Variants in INPP4B observed in about 807,000 individuals in gnomAD.
The protein encoded by INPP4B is inositol polyphosphate 4-phosphatase type II.
Under a neutral mutation model 122.5 loss-of-function variants are expected in INPP4B, and 55 were observed. The ratio of observed to expected loss-of-function variants is 0.45; its 90% confidence interval spans 0.36 to 0.56. The LOEUF is 0.56. INPP4B is among the 20% of genes least tolerant of loss of function. The probability of loss-of-function intolerance (pLI) is 0.00; values close to 1 mark genes in which losing one functional copy is unlikely to be tolerated. For missense variants in INPP4B, 1,000 were observed against 1,097.7 expected (o/e 0.91, Z 1.26); for synonymous variants, 403 against 388.7 (o/e 1.04, Z -0.43).
At chr4:142,492,125 C>T (rs1380301526) in intron 2 of INPP4B, among the ~76,000 whole-genome samples, 1 of 152,056 alleles carries the variant, frequency 6.6e-6, no homozygotes, top group African/African-American at 2.4e-5. Context: ...GGCACTTCTC[C>T]TTGCTGCCAC....
chr4:142,208,797 G>A, intron 13 of INPP4B, 99 bp downstream of exon 13: 1 of 922,972 alleles, frequency 1.1e-6, no homozygotes, highest in South Asian at 3.1e-5. Context: ...AAAATCTCCA[G>A]TTCTCCTATC....
At chr4:142,671,444 T>G (rs1347085714) in intron 2 of INPP4B, among the ~76,000 whole-genome samples, 1 of 152,132 alleles carries the variant, frequency 6.6e-6, no homozygotes, top group Non-Finnish European at 1.5e-5. Context: ...GCCTCCAATA[T>G]TTTGCTCTTA....
chr4:142,306,692 G>A (rs961699503), intron 8 of INPP4B, among the ~76,000 whole-genome samples: 14 of 152,104 alleles, frequency 9.2e-5, no homozygotes, highest in Admixed American at 9.2e-4. Context: ...GTCCTAAAAG[G>A]CTTAAAATCA....
intron 1 of INPP4B, among the ~76,000 whole-genome samples, chr4:142,802,771 CT>C (rs540356163): frequency 4.5e-4 from 65 of 143,482 alleles, no homozygotes; most frequent in South Asian, 6.7e-4. Flanking sequence ...CTTTCAGTTT[CT>C]TTTTTTTTTT....
intron 7 of INPP4B, among the ~76,000 whole-genome samples, chr4:142,327,297 A>G (rs1772739851): frequency 1.3e-5 from 2 of 152,168 alleles, no homozygotes; most frequent in Admixed American, 1.3e-4. Flanking sequence ...TAGCTTTAAA[A>G]CAAAACTATC....
chr4:142,060,207 T>C (rs1759860701), intron 25 of INPP4B, among the ~76,000 whole-genome samples: 1 of 152,164 alleles, frequency 6.6e-6, no homozygotes, highest in Non-Finnish European at 1.5e-5. Context: ...CCCAAAACCA[T>C]TTATTAATTA....
intron 7 of INPP4B, among the ~76,000 whole-genome samples, chr4:142,325,676 G>A (rs1772073385): frequency 6.6e-6 from 1 of 152,140 alleles, no homozygotes; most frequent in Non-Finnish European, 1.5e-5. Context: ...CTCTAAAGCA[G>A]TGATGTTCAC....
At chr4:142,210,031 A>G (rs922438128) in intron 12 of INPP4B, among the ~76,000 whole-genome samples, 7 of 152,172 alleles carry the variant, frequency 4.6e-5, no homozygotes, top group African/African-American at 1.7e-4. Context: ...ATGCCTTTTT[A>G]AAACTATAGT....
At position 142,027,072 on chromosome 4, in the gene INPP4B, T is replaced by G. The variant is rs1056324496; in HGVS notation, c.*1710A>C. 6.6e-6 allele frequency: 1 copy of G among 152,254 alleles called. No individual in the cohort carries two copies. Among genetic ancestry groups the G allele is most frequent in the Non-Finnish European group, 1.5e-5 (1 of 68,012 alleles). The allele number at this position is 152,254 out of a possible 1,614,324, so 9.4% of individuals were successfully genotyped here. ...TGTATTTAATCACTAAAATAAAGAA[T>G]GAGTTAAGAGAACATCAAGGTAATT... On this transcript the variant is annotated 3_prime_UTR_variant, in exon 26 of 26. Transcript: ENST00000262992.
chr4:142,602,584 A>T (rs1385647501), intron 2 of INPP4B, among the ~76,000 whole-genome samples: 1 of 152,246 alleles, frequency 6.6e-6, no homozygotes, highest in Non-Finnish European at 1.5e-5. Context: ...AAAAGAAGAC[A>T]TAGATGCAGC....
intron 2 of INPP4B, among the ~76,000 whole-genome samples, chr4:142,578,091 A>T (rs1287030349): frequency 6.6e-6 from 1 of 151,966 alleles, no homozygotes; most frequent in East Asian, 1.9e-4. Context: ...GGAGCTGAGG[A>T]TTATGGGAGC....
intron 11 of INPP4B, 89 bp from the exon 12 acceptor site, chr4:142,238,100 C>A (rs539843913): frequency 1.2e-5 from 7 of 564,730 alleles, no homozygotes; most frequent in Admixed American, 9.8e-5. Flanking sequence ...ATCAAGATGG[C>A]ATTTTTATTA....
intron 24 of INPP4B, among the ~76,000 whole-genome samples, chr4:142,085,847 C>T (rs1207810864): frequency 2.0e-5 from 3 of 152,182 alleles, no homozygotes; most frequent in South Asian, 2.1e-4. Context: ...GGGCAATTGA[C>T]GTTGCAATAC....
At chr4:142,748,141 A>G (rs1487437704) in intron 1 of INPP4B, among the ~76,000 whole-genome samples, 2 of 152,158 alleles carry the variant, frequency 1.3e-5, no homozygotes, top group Non-Finnish European at 2.9e-5. Flanking sequence ...GAAATTAAAT[A>G]ACCCACTTCT....
intron 7 of INPP4B, among the ~76,000 whole-genome samples, chr4:142,340,182 C>T (rs1778180273): frequency 6.6e-6 from 1 of 152,056 alleles, no homozygotes; most frequent in African/African-American, 2.4e-5. Flanking sequence ...AGGGAAATAA[C>T]CATGGAGGCC....
intron 9 of INPP4B, among the ~76,000 whole-genome samples, chr4:142,288,054 T>G (rs1241420468): frequency 6.6e-6 from 1 of 152,126 alleles, no homozygotes; most frequent in Admixed American, 6.5e-5. Context: ...ACTCATCAAG[T>G]CATCCAAACT....
intron 14 of INPP4B, among the ~76,000 whole-genome samples, chr4:142,195,723 G>A (rs1016583567): frequency 1.3e-5 from 2 of 152,086 alleles, no homozygotes; most frequent in Non-Finnish European, 2.9e-5. Flanking sequence ...CCAATAAGAA[G>A]GGAAGGAAAA....
intron 18 of INPP4B, among the ~76,000 whole-genome samples, chr4:142,128,727 G>A (rs1332251165): frequency 1.3e-5 from 2 of 152,040 alleles, no homozygotes; most frequent in African/African-American, 2.4e-5. Flanking sequence ...TTGCTTCTCC[G>A]GCATATTCAA....
chr4:142,339,942 A>G (rs1306835875), intron 7 of INPP4B, among the ~76,000 whole-genome samples: 1 of 152,230 alleles, frequency 6.6e-6, no homozygotes, highest in Non-Finnish European at 1.5e-5. Flanking sequence ...AAAGGAACAA[A>G]TTATAGTTAG....
Sources: gnomAD v4.1 joint callset for allele counts (sites outside exome capture counted in the v4.1 genomes callset) on GRCh38, gnomAD v4.1.1 for gene constraint, MANE v1.5 for transcripts, NCBI Gene and HGNC (gene_info 2026-07-23, HGNC 2026-07-21) for gene names.